The following TRIM39 variants were observed in gnomAD, a reference collection of about 807,000 sequenced individuals.
The protein encoded by TRIM39 is E3 ubiquitin-protein ligase TRIM39.
A neutral mutation model predicts 53.6 loss-of-function variants in TRIM39; 5 were observed. That is an observed-to-expected ratio of 0.09 (90% CI 0.05 to 0.20). The LOEUF (loss-of-function observed/expected upper bound fraction) is 0.20, where lower values mean the gene tolerates loss of function less well. Among genes scored for constraint, TRIM39 ranks in the 10% least tolerant of loss-of-function variants. TRIM39 has a pLI of 1.00. For synonymous variants in TRIM39, 196 were observed against 237.6 expected (o/e 0.82, Z 1.61); for missense variants, 310 against 621.0 (o/e 0.50, Z 5.32).
chr6:30,329,372 G>T (rs781477391), exon 3 of TRIM39: 1 of 1,613,094 alleles, frequency 6.2e-7, no homozygotes, highest in Admixed American at 1.7e-5. Context: ...TACAGCTGCG[G>T]CTTTGGAGAA....
intron 4 of TRIM39, among the ~76,000 whole-genome samples, chr6:30,334,210 C>T (rs1329621873): frequency 1.3e-5 from 2 of 152,218 alleles, no homozygotes; most frequent in African/African-American, 2.4e-5. Context: ...TCTCTCTCCA[C>T]CCTCAAGCCT....
chr6:30,339,565 G>C lies in TRIM39; in HGVS notation c.781-343G>C, dbSNP rs3129840. Among the ~76,000 whole-genome samples the C allele has an allele frequency of 0.12, 18,691 of 152,254 alleles. 1,305 individuals are homozygous for C. Among genetic ancestry groups the C allele is most frequent in the Non-Finnish European group, 0.15 (10,187 of 68,012 alleles). On this transcript the variant is annotated intron_variant, in intron 5 of 7. Transcript: ENST00000396551. The surrounding 1 kb of genome is among the most constrained non-coding windows in gnomAD (Gnocchi z 4.2). ...CTCTGTACTTATCCTCAAGGAGAGTGAGATATGTGGTTGGTACTTGGGGGA... is the reference window on the plus strand; with the variant it reads ...CTCTGTACTTATCCTCAAGGAGAGTCAGATATGTGGTTGGTACTTGGGGGA...
intron 4 of TRIM39, among the ~76,000 whole-genome samples, chr6:30,334,855 G>C (rs886339996): frequency 5.3e-5 from 8 of 152,040 alleles, no homozygotes; most frequent in African/African-American, 1.9e-4. Context: ...GATTCTTTTT[G>C]AGTAGCTAGG....
rs1787299160 is a variant in TRIM39, at chr6:30,339,947, T to A, written c.803+17T>A. 6.2e-7 allele frequency: 1 copy of A among 1,614,150 alleles called. No individual in the cohort carries two copies. The highest frequency in any genetic ancestry group is 1.6e-4 in the Middle Eastern group (1 of 6,062). On this transcript the variant is annotated intron_variant, in intron 6 of 7. Transcript: ENST00000396551. This position sits in a 1 kb window ranked among gnomAD's most constrained non-coding sequence, Gnocchi z 4.2. ...CCTGGAAAAGTAAGTGATTGTTGTA[T>A]CTCTCTGAGTGAGTTAGGTCTTGGC...
chr6:30,333,534 T>C (rs1786475830), intron 4 of TRIM39, among the ~76,000 whole-genome samples: 2 of 151,840 alleles, frequency 1.3e-5, no homozygotes, highest in African/African-American at 4.8e-5. Flanking sequence ...ATTTTTTTTT[T>C]CTATTTTTAG....
At position 30,335,206 on chromosome 6, in the gene TRIM39, G is replaced by A. The variant is rs542982290; in HGVS notation, c.550-539G>A. Among the ~76,000 whole-genome samples the A allele has an allele frequency of 5.9e-5, 9 of 152,298 alleles. No individual in the cohort carries two copies. The highest frequency in any genetic ancestry group is 1.7e-4 in the African/African-American group (7 of 41,566). On this transcript the variant is annotated intron_variant, in intron 4 of 7. Coordinates refer to ENST00000396551, the Ensembl canonical transcript of TRIM39. The surrounding 1 kb of genome is among the most constrained non-coding windows in gnomAD (Gnocchi z 4.7). ...AAGTCATCAGTAGGGGGGTGATAGTGATGGAGCCATTCTTTACAGAAGGAA... is the reference window on the plus strand; with the variant it reads ...AAGTCATCAGTAGGGGGGTGATAGTAATGGAGCCATTCTTTACAGAAGGAA...
intron 5 of TRIM39, among the ~76,000 whole-genome samples, chr6:30,337,734 G>T (rs1201314079): frequency 1.3e-5 from 2 of 152,166 alleles, no homozygotes; most frequent in Non-Finnish European, 2.9e-5. Context: ...AGCTGCCCTT[G>T]CTTCTAATAA....
exon 8 of TRIM39, chr6:30,343,359 T>C (rs1210233844): frequency 2.0e-5 from 3 of 152,670 alleles, no homozygotes; most frequent in African/African-American, 7.2e-5. Context: ...GAACTGGTGT[T>C]AAGCCAGGCT....
At chr6:30,332,258 A>G (rs1786273618) in intron 4 of TRIM39, among the ~76,000 whole-genome samples, 1 of 152,236 alleles carries the variant, frequency 6.6e-6, no homozygotes, top group Non-Finnish European at 1.5e-5. Context: ...CTGGGGAACA[A>G]TGATGAGCAA....
intron 1 of TRIM39, among the ~76,000 whole-genome samples, chr6:30,328,295 G>A (rs980312706): frequency 4.6e-5 from 7 of 150,586 alleles, no homozygotes; most frequent in Admixed American, 4.6e-4. Context: ...TCAAGAAGTC[G>A]TTGGCCTGAG....
At chr6:30,329,816 G>A (rs754048296) in intron 3 of TRIM39, 46 bp downstream of exon 3, 1 of 1,584,100 alleles carries the variant, frequency 6.3e-7, no homozygotes. Flanking sequence ...AAAGGGAGAA[G>A]CGGCAGAGGA....
chr6:30,341,933 C>T lies in TRIM39; in HGVS notation c.1141C>T (p.Arg381Trp), dbSNP rs1329359603. 3 of 1,612,932 alleles carry T rather than the reference C, an allele frequency of 1.9e-6. No individual in the cohort carries two copies. Among genetic ancestry groups the T allele is most frequent in the Non-Finnish European group, 2.5e-6 (3 of 1,179,978 alleles). The change falls in exon 8 of 8, where the codon CGG becomes TGG. Residue 381 changes from arginine to tryptophan, a missense_variant. By Grantham distance (101) the Arg-to-Trp change is moderately radical. Around this residue, in one of 5 missense-constraint regions of TRIM39, gnomAD observed 75 missense variants for 244.8 expected, o/e 0.31. Transcript: ENST00000396551. Reference sequence around the variant, plus strand: ...GACCCACTGGGCAGTGGGTGTATGCCGGGACTCCGTGAGCCGAAAGGGCGA... The same window carrying T: ...GACCCACTGGGCAGTGGGTGTATGCTGGGACTCCGTGAGCCGAAAGGGCGA...
chr6:30,334,583 A>G (rs943407322), intron 4 of TRIM39, among the ~76,000 whole-genome samples: 1 of 152,218 alleles, frequency 6.6e-6, no homozygotes, highest in Non-Finnish European at 1.5e-5. Context: ...TGAAATCTAC[A>G]TATGTATATT....
At chr6:30,340,749 T>TC in intron 7 of TRIM39, 129 bp downstream of exon 7, 1 of 985,514 alleles carries the variant, frequency 1.0e-6, no homozygotes, top group Non-Finnish European at 1.5e-6. Flanking sequence ...TACCCCTTTA[T>TC]CTGGCTTTTA....
intron 4 of TRIM39, among the ~76,000 whole-genome samples, chr6:30,334,354 G>A (rs1189290448): frequency 1.3e-5 from 2 of 152,220 alleles, no homozygotes; most frequent in East Asian, 3.8e-4. Context: ...GCAGAAGAGA[G>A]GATGTGCTGA....
chr6:30,341,685 G>T (rs1227792746), intron 7 of TRIM39, 27 bp from the exon 8 acceptor site: 1 of 1,594,218 alleles, frequency 6.3e-7, no homozygotes, highest in Non-Finnish European at 8.5e-7. Context: ...TCCTCATCTA[G>T]CTCCCCACTC....
intron 4 of TRIM39, 145 bp downstream of exon 4, chr6:30,331,021 G>T (rs1427186924): frequency 9.9e-7 from 1 of 1,006,026 alleles, no homozygotes; most frequent in African/African-American, 1.6e-5. Context: ...TGTAATCCCA[G>T]CAATTCTGGA....
At chr6:30,331,200 C>G (rs1786110777) in intron 4 of TRIM39, among the ~76,000 whole-genome samples, 1 of 151,476 alleles carries the variant, frequency 6.6e-6, no homozygotes, top group East Asian at 1.9e-4. Context: ...ACCTGGGAGG[C>G]GGAGGTTGCA....
At chr6:30,341,893 G>A (rs745581456) in exon 8 of TRIM39, 1 of 1,613,078 alleles carries the variant, frequency 6.2e-7, no homozygotes, top group South Asian at 1.1e-5. Context: ...ACTGGGAGGT[G>A]GAGGTGGGCG....
Sources: gnomAD v4.1 joint callset for allele counts (sites outside exome capture counted in the v4.1 genomes callset) on GRCh38, gnomAD v4.1.1 for gene constraint, gnomAD v4.1.1 regional missense constraint, Gnocchi (gnomAD v3.1) non-coding constraint, MANE v1.5 for transcripts, NCBI Gene and HGNC (gene_info 2026-07-23, HGNC 2026-07-21) for gene names.